DLG4: variants seen among roughly 807,000 people sequenced by gnomAD.
DLG4 encodes disks large homolog 4.
A neutral mutation model predicts 93.8 loss-of-function variants in DLG4; 7 were observed. The ratio of observed to expected loss-of-function variants is 0.07; its 90% CI spans 0.04 to 0.14. The LOEUF (loss-of-function observed/expected upper bound fraction) is 0.14. Ranked by LOEUF, DLG4 falls within the 10% of genes least tolerant of loss-of-function variation. The pLI is 1.00. For synonymous variants in DLG4, 341 were observed against 387.6 expected, an observed-to-expected ratio of 0.88 and a Z score of 1.41; for missense variants, 545 against 992.9, an observed-to-expected ratio of 0.55 and a Z score of 6.06.
rs1285454527 is a variant in DLG4 at position 7,189,284 on chromosome 17, G to A, written c.*1424C>T. ...AGGCGGGTGGATAACAAGGTCAGGA[G>A]TTCAAGACCAGCCTGACCAACATGG... On this transcript the variant is annotated 3_prime_UTR_variant, in exon 20 of 20. Transcript: ENST00000399506. Among the ~76,000 whole-genome samples the A allele has an allele frequency of 6.6e-6, 1 of 151,804 alleles. No homozygotes were observed. Among genetic ancestry groups the A allele is most frequent in the African/African-American group, 2.4e-5 (1 of 41,320 alleles).
intron 2 of DLG4, among the ~76,000 whole-genome samples, chr17:7,207,449 C>T (rs2070518116): frequency 6.6e-6 from 1 of 152,018 alleles, no homozygotes; most frequent in Non-Finnish European, 1.5e-5. Flanking sequence ...CAGCAAGGCC[C>T]CACCATGTGA....
chr17:7,214,815 A>T (rs1415390499), intron 1 of DLG4, among the ~76,000 whole-genome samples: 1 of 152,238 alleles, frequency 6.6e-6, no homozygotes, highest in African/African-American at 2.4e-5. Flanking sequence ...GCAGAGATAA[A>T]GGCACCAAGA....
chr17:7,212,781 T>A (rs1247708994), intron 1 of DLG4, among the ~76,000 whole-genome samples: 1 of 152,090 alleles, frequency 6.6e-6, no homozygotes, highest in African/African-American at 2.4e-5. Flanking sequence ...ACACCTGTAA[T>A]CCCAGCACTT....
chr17:7,193,032 A>C lies in DLG4; in HGVS notation c.1779T>G (p.Ile593Met). The change falls in exon 17 of 20, where the codon ATT becomes ATG. Residue 593 changes from isoleucine to methionine, a missense_variant. Transcript: ENST00000399506. The surrounding 1 kb of genome is among the most constrained non-coding windows in gnomAD (Gnocchi z 6.7). ...CGGCCTCAATGAACTTGTGCGCCTG[A>C]ATGTCCTTCTCCATTTTCTCCCGGG... is the stretch of plus-strand genomic sequence containing the variant. ...VSSREKMEKD[I>M]QAHKFIEAGQ... 6.2e-7 allele frequency: 1 copy of C among 1,613,738 alleles called. No homozygotes were observed.
chr17:7,209,342 C>A (rs550854101), intron 1 of DLG4, among the ~76,000 whole-genome samples: 1 of 152,150 alleles, frequency 6.6e-6, no homozygotes, highest in Non-Finnish European at 1.5e-5. Flanking sequence ...CTTCCGTGTC[C>A]GCCTCTGCCC....
intron 1 of DLG4, among the ~76,000 whole-genome samples, chr17:7,210,868 A>C (rs1253115941): frequency 6.6e-6 from 1 of 152,022 alleles, no homozygotes; most frequent in Non-Finnish European, 1.5e-5. Flanking sequence ...TTCATCATTT[A>C]TTCTAGGGAG....
chr17:7,212,189 T>G (rs1430595837), intron 1 of DLG4, among the ~76,000 whole-genome samples: 5 of 151,876 alleles, frequency 3.3e-5, no homozygotes, highest in African/African-American at 1.2e-4. Context: ...CTACACTGCC[T>G]CTCCCACCAA....
At chr17:7,217,914 TA>T (rs2071009377), upstream of DLG4, 1 of 1,230,954 alleles carries the variant, frequency 8.1e-7, no homozygotes, top group African/African-American at 1.5e-5. Flanking sequence ...CGGCAGGCGG[TA>T]GGGGGTCGGG....
intron 2 of DLG4, among the ~76,000 whole-genome samples, chr17:7,205,780 C>T (rs2070435970): frequency 1.4e-5 from 2 of 143,330 alleles, no homozygotes. Flanking sequence ...CGTCCCCCAT[C>T]CCGCAGCCCG....
intron 1 of DLG4, among the ~76,000 whole-genome samples, chr17:7,211,967 T>C (rs1182232554): frequency 6.6e-6 from 1 of 152,056 alleles, no homozygotes; most frequent in African/African-American, 2.4e-5. Context: ...TATACTTCTA[T>C]TCCGACCCCT....
rs1210786746 is a variant in DLG4 at position 7,217,169 on chromosome 17, G to A, written c.-22C>T. On this transcript the variant is annotated 5_prime_UTR_variant, in exon 1 of 20. Coordinates refer to ENST00000399506, the MANE Select transcript of DLG4 (RefSeq NM_001321075.3). ...CCATGTTGGGGGGCCTGGCCGCGGCGGCGGGTAAGGGGCTCTGACTTCATC... is the reference window on the plus strand; with the variant it reads ...CCATGTTGGGGGGCCTGGCCGCGGCAGCGGGTAAGGGGCTCTGACTTCATC... 33 of 1,284,164 alleles carry A rather than the reference G, an allele frequency of 2.6e-5. No homozygotes were observed. The highest frequency in any genetic ancestry group is 6.3e-5 in the South Asian group (2 of 31,824). The allele number at this position is 1,284,164 out of a possible 1,614,324, so 79.5% of individuals were successfully genotyped here. A position where few individuals can be genotyped will look rare whatever the true frequency, so the allele number is the denominator to read the frequency against.
chr17:7,216,696 G>GC lies in DLG4; in HGVS notation c.30+421dup, dbSNP rs775405060. Reference sequence around the variant, plus strand: ...CAATAACCTTTACCCCATGCCAGGAGCCCCCCAAAACTGGACAAGGCCCTT... The same window carrying GC: ...CAATAACCTTTACCCCATGCCAGGAGCCCCCCCAAAACTGGACAAGGCCCTT... On this transcript the variant is annotated intron_variant, in intron 1 of 19. Coordinates refer to ENST00000399506, the MANE Select transcript of DLG4 (RefSeq NM_001321075.3). Among the ~76,000 whole-genome samples the GC allele has an allele frequency of 3.9e-5, 6 of 152,050 alleles. No homozygotes were observed. In the East Asian group the frequency reaches 7.8e-4, roughly 20 times the overall value.
At position 7,194,043 on chromosome 17, in the gene DLG4, C is replaced by T; in HGVS notation, c.1479-43G>A. The T allele has an allele frequency of 6.2e-7, 1 of 1,601,744 alleles. No homozygotes were observed. Among genetic ancestry groups the T allele is most frequent in the Non-Finnish European group, 8.5e-7 (1 of 1,174,502 alleles). ...GGATACGCGGGTAGGGGAATGCCTA[C>T]CCCCTGCCACCCCCATGCTCTGAGC... is the stretch of plus-strand genomic sequence containing the variant. On this transcript the variant is annotated intron_variant, in intron 12 of 19. Coordinates refer to ENST00000399506, the MANE Select transcript of DLG4 (RefSeq NM_001321075.3). The surrounding 1 kb of genome is among the most constrained non-coding windows in gnomAD (Gnocchi z 4.4).
At chr17:7,205,827 C>G (rs1410136103) in intron 2 of DLG4, among the ~76,000 whole-genome samples, 2 of 149,928 alleles carry the variant, frequency 1.3e-5, no homozygotes, top group African/African-American at 4.9e-5. Flanking sequence ...TCCCATAGCC[C>G]GTCCTCCATC....
At position 7,196,741 on chromosome 17, in the gene DLG4, G is replaced by T; in HGVS notation, c.1083+16C>A. 6.3e-7 allele frequency: 1 copy of T among 1,594,760 alleles called. No homozygotes were observed. Among genetic ancestry groups the T allele is most frequent in the Admixed American group, 1.7e-5 (1 of 57,440 alleles). On this transcript the variant is annotated intron_variant, in intron 9 of 19. Transcript: ENST00000399506. This position sits in a 1 kb window ranked among gnomAD's most constrained non-coding sequence, Gnocchi z 8.3. Reference sequence around the variant, plus strand: ...TGGGGAGGGGGTGGTGCAGGTAGGGGCAGGCCTTCCCTCACCGACAGGATC... The same window carrying T: ...TGGGGAGGGGGTGGTGCAGGTAGGGTCAGGCCTTCCCTCACCGACAGGATC...
At chr17:7,214,771 G>A (rs1177780620) in intron 1 of DLG4, among the ~76,000 whole-genome samples, 1 of 152,234 alleles carries the variant, frequency 6.6e-6, no homozygotes, top group African/African-American at 2.4e-5. Flanking sequence ...GGGGCGGAGT[G>A]GGAGAAAGAG....
At chr17:7,215,673 G>T (rs2142934279) in intron 1 of DLG4, among the ~76,000 whole-genome samples, 1 of 152,280 alleles carries the variant, frequency 6.6e-6, no homozygotes, top group South Asian at 2.1e-4. Flanking sequence ...TGGAGAGAGG[G>T]TGGGGGCTCC....
chr17:7,208,816 G>A lies in DLG4; in HGVS notation c.31-577C>T, dbSNP rs1010559550. ...CAGGTGATTGGCTCTCCTTTACCTT[G>A]CACTCCTTAGGCAAGGACTGAAGTC... On this transcript the variant is annotated intron_variant, in intron 1 of 19. Coordinates refer to ENST00000399506, the MANE Select transcript of DLG4 (RefSeq NM_001321075.3). The surrounding 1 kb of genome is among the most constrained non-coding windows in gnomAD (Gnocchi z 5.4). Among the ~76,000 whole-genome samples the A allele has an allele frequency of 4.0e-5, 6 of 151,892 alleles. No individual in the cohort carries two copies. The highest frequency in any genetic ancestry group is 4.4e-5 in the Non-Finnish European group (3 of 67,992).
At chr17:7,213,276 T>C (rs1055181569) in intron 1 of DLG4, among the ~76,000 whole-genome samples, 1 of 151,896 alleles carries the variant, frequency 6.6e-6, no homozygotes, top group African/African-American at 2.4e-5. Context: ...TTTTTTGTAT[T>C]TTTAGTAGAG....
Sources: allele counts gnomAD v4.1 joint callset (sites outside exome capture counted in the v4.1 genomes callset), GRCh38; gene constraint gnomAD v4.1.1; non-coding constraint Gnocchi (gnomAD v3.1); transcripts MANE v1.5; gene names NCBI Gene and HGNC (gene_info 2026-07-23, HGNC 2026-07-21).